Variants in ANKRD44 observed in about 807,000 individuals in gnomAD.
ANKRD44 encodes serine/threonine-protein phosphatase 6 regulatory ankyrin repeat subunit B.
ANKRD44 carries 35 observed loss-of-function variants against 116.0 expected under a neutral mutation model. That is an observed-to-expected ratio of 0.30 (90% CI 0.23 to 0.40). The LOEUF (loss-of-function observed/expected upper bound fraction) is 0.40. ANKRD44 is among the 10% of genes least tolerant of loss of function. ANKRD44 has a pLI of 1.00. For synonymous variants in ANKRD44, 435 were observed against 461.8 expected, an observed-to-expected ratio of 0.94 and a Z score of 0.74; for missense variants, 1,014 against 1,242.6, an observed-to-expected ratio of 0.82 and a Z score of 2.77.
intron 17 of ANKRD44, among the ~76,000 whole-genome samples, chr2:197,014,172 C>G (rs1260555802): frequency 6.6e-6 from 1 of 152,134 alleles, no homozygotes; most frequent in Non-Finnish European, 1.5e-5. Flanking sequence ...TGAGATACAA[C>G]AGAGGCATGT....
intron 10 of ANKRD44, among the ~76,000 whole-genome samples, chr2:197,093,931 G>A (rs960467982): frequency 2.0e-5 from 3 of 152,130 alleles, no homozygotes; most frequent in African/African-American, 7.2e-5. Context: ...TCGTTAAATT[G>A]CCACATTTAT....
At chr2:197,281,100 CAGT>C (rs2083251532) in intron 1 of ANKRD44, among the ~76,000 whole-genome samples, 2 of 151,636 alleles carry the variant, frequency 1.3e-5, no homozygotes, top group African/African-American at 2.4e-5. Context: ...TCTCCTTGTG[CAGT>C]TCTTCAATGT....
chr2:196,991,770 T>C (rs2075922321), intron 27 of ANKRD44, among the ~76,000 whole-genome samples: 1 of 151,886 alleles, frequency 6.6e-6, no homozygotes, highest in East Asian at 1.9e-4. Flanking sequence ...TTGGTTTTTT[T>C]TTTTTGAGTC....
At chr2:197,270,269 G>C (rs2082861621) in intron 1 of ANKRD44, among the ~76,000 whole-genome samples, 1 of 152,132 alleles carries the variant, frequency 6.6e-6, no homozygotes, top group Admixed American at 6.5e-5. Context: ...TGCCACTCGG[G>C]AGTCAGACTC....
intron 21 of ANKRD44, among the ~76,000 whole-genome samples, chr2:196,976,865 C>G (rs1397275874): frequency 6.8e-6 from 1 of 147,822 alleles, no homozygotes; most frequent in Non-Finnish European, 1.5e-5. Flanking sequence ...GAGATCTTGT[C>G]TCAAAAGAAG....
At chr2:197,092,403 G>A (rs2078062404) in intron 10 of ANKRD44, among the ~76,000 whole-genome samples, 1 of 152,154 alleles carries the variant, frequency 6.6e-6, no homozygotes, top group Non-Finnish European at 1.5e-5. Flanking sequence ...CATCTCAAAA[G>A]TTATTATGAT....
At chr2:197,109,004 G>A (rs1231429135) in intron 9 of ANKRD44, among the ~76,000 whole-genome samples, 1 of 152,230 alleles carries the variant, frequency 6.6e-6, no homozygotes, top group Non-Finnish European at 1.5e-5. Context: ...ATGCCAGCAG[G>A]ACAGAGAGGA....
chr2:197,016,080 G>A (rs1003781695), intron 17 of ANKRD44: 4 of 453,690 alleles, frequency 8.8e-6, no homozygotes, highest in East Asian at 5.8e-5. Context: ...AGAGCTGCAG[G>A]TTACTTTGAG....
chr2:197,034,503 C>T (rs550109706), intron 16 of ANKRD44, among the ~76,000 whole-genome samples: 50 of 148,666 alleles, frequency 3.4e-4, no homozygotes, highest in South Asian at 2.0e-3. Context: ...GCACAATAAA[C>T]TTTGCACTCA....
chr2:197,218,750 C>CTTTTTTTTTTTTTTTT (rs2081509413), intron 1 of ANKRD44, among the ~76,000 whole-genome samples: 1 of 69,204 alleles, frequency 1.4e-5, no homozygotes, highest in Non-Finnish European at 2.8e-5. Context: ...GGGTAAAGTC[C>CTTTTTTTTTTTTTTTT]CTTTTTTTTT....
intron 2 of ANKRD44, among the ~76,000 whole-genome samples, chr2:197,185,452 T>C (rs2080631837): frequency 6.6e-6 from 1 of 152,248 alleles, no homozygotes. Context: ...ACACTGAAGA[T>C]GTAGTTGACA....
chr2:197,173,161 A>G (rs534005200), intron 2 of ANKRD44, among the ~76,000 whole-genome samples: 2 of 152,320 alleles, frequency 1.3e-5, no homozygotes, highest in South Asian at 4.1e-4. Context: ...CAGCCCCAAC[A>G]ATTTCTATAA....
chr2:197,148,142 T>C (rs73991210), intron 2 of ANKRD44, among the ~76,000 whole-genome samples: 7,574 of 152,058 alleles, frequency 0.05, 641 homozygotes, highest in African/African-American at 0.17. Context: ...TATAAGTAAA[T>C]AAAGCCCTAG....
chr2:197,089,146 G>T (rs1024153031), intron 11 of ANKRD44, among the ~76,000 whole-genome samples: 1 of 152,194 alleles, frequency 6.6e-6, no homozygotes, highest in Admixed American at 6.5e-5. Context: ...TGCTGGAACA[G>T]ATTTTTTTCT....
intron 21 of ANKRD44, among the ~76,000 whole-genome samples, chr2:196,979,434 T>G (rs559108429): frequency 1.3e-5 from 2 of 150,328 alleles, no homozygotes; most frequent in South Asian, 2.1e-4. Flanking sequence ...TTTCTAGGGT[T>G]GTTTTAAGGA....
At chr2:197,283,190 T>C (rs953765258) in intron 1 of ANKRD44, among the ~76,000 whole-genome samples, 4 of 152,226 alleles carry the variant, frequency 2.6e-5, no homozygotes, top group African/African-American at 9.6e-5. Context: ...TTGATGTCTC[T>C]GAGTTTGGTT....
At chr2:196,979,580 T>TTTTTTTTTTTA (rs2075786167) in intron 21 of ANKRD44, among the ~76,000 whole-genome samples, 1 of 91,660 alleles carries the variant, frequency 1.1e-5, no homozygotes, top group African/African-American at 3.5e-5. Context: ...TTTTTTTTTT[T>TTTTTTTTTTTA]AAGACAGAGT....
chr2:197,131,117 C>T (rs186026033), intron 4 of ANKRD44, among the ~76,000 whole-genome samples: 4 of 152,166 alleles, frequency 2.6e-5, no homozygotes, highest in East Asian at 1.9e-4. Flanking sequence ...GCATCCGTCT[C>T]GAAGGGTGGA....
rs1247372164 is a variant in ANKRD44, at chr2:196,987,357, A to G, written c.*2234T>C. ...AACTCACTGGTATCATATTGCTCTG[A>G]TAACACTCAAATGAAAAAATACAAA... is the stretch of plus-strand genomic sequence containing the variant. On this transcript the variant is annotated 3_prime_UTR_variant, in exon 28 of 28. Transcript: ENST00000282272. The G allele has an allele frequency of 2.0e-5, 20 of 985,130 alleles. No individual in the cohort carries two copies. Among genetic ancestry groups the G allele is most frequent in the African/African-American group, 5.2e-5 (3 of 57,252 alleles). The allele number at this position is 985,130 out of a possible 1,614,324, so 61.0% of individuals were successfully genotyped here. A position where few individuals can be genotyped will look rare whatever the true frequency, so the allele number is the denominator to read the frequency against.
Sources: gnomAD v4.1 joint callset for allele counts (sites outside exome capture counted in the v4.1 genomes callset) on GRCh38, gnomAD v4.1.1 for gene constraint, MANE v1.5 for transcripts, NCBI Gene and HGNC (gene_info 2026-07-23, HGNC 2026-07-21) for gene names.